FBXO46: variants seen among roughly 807,000 people sequenced by gnomAD.
The protein encoded by FBXO46 is F-box protein 46.
Under a neutral mutation model 30.7 loss-of-function variants are expected in FBXO46, and 13 were observed. That is an observed-to-expected ratio of 0.42 (90% CI 0.28 to 0.67). FBXO46 has a LOEUF of 0.67. Among genes scored for constraint, FBXO46 ranks in the 30% least tolerant of loss-of-function variants. FBXO46 has a pLI of 0.21. For synonymous variants in FBXO46, 467 were observed against 385.8 expected, an observed-to-expected ratio of 1.21 and a Z score of -2.47; for missense variants, 754 against 871.5, an observed-to-expected ratio of 0.87 and a Z score of 1.70.
chr19:45,717,508 G>A (rs1968113892), intron 1 of FBXO46: 1 of 152,364 alleles, frequency 6.6e-6, no homozygotes, highest in African/African-American at 2.4e-5. Flanking sequence ...AAATAGGGAG[G>A]AGTAGGCGAG....
Position 45,712,272 on chromosome 19 carries a change from G to C in FBXO46, c.1224C>G (p.Leu408=). Residue 408 remains leucine (L), a synonymous_variant, in exon 2 of 2, where the codon CTC becomes CTG. Transcript: ENST00000317683. This position sits in a 1 kb window ranked among gnomAD's most constrained non-coding sequence, Gnocchi z 8.8. The part of the protein sequence containing the change: ...SPEEPPPPGQ[L]FFLQNRGPDG... The stretch of plus-strand genomic sequence containing the variant: ...CCGGCCCGCGGTTCTGGAGAAAGAA[G>C]AGCTGGCCCGGAGGCGGCGGTTCCT... The C allele has an allele frequency of 6.2e-7, 1 of 1,604,398 alleles. No homozygotes were observed. The highest frequency in any genetic ancestry group is 8.5e-7 in the Non-Finnish European group (1 of 1,179,490).
chr19:45,717,725 G>C (rs573406197), intron 1 of FBXO46, among the ~76,000 whole-genome samples: 4 of 150,932 alleles, frequency 2.7e-5, no homozygotes, highest in African/African-American at 9.7e-5. Context: ...AGAACACCAA[G>C]GCGGAAGGAA....
chr19:45,719,314 G>A (rs1282203183), intron 1 of FBXO46, among the ~76,000 whole-genome samples: 2 of 151,764 alleles, frequency 1.3e-5, no homozygotes, highest in African/African-American at 4.8e-5. Flanking sequence ...GGATGATGAC[G>A]AAACAAAATG....
chr19:45,730,548 G>A (rs867353043), intron 1 of FBXO46, among the ~76,000 whole-genome samples: 1 of 151,422 alleles, frequency 6.6e-6, no homozygotes, highest in African/African-American at 2.4e-5. Context: ...CATCGAAATC[G>A]ACCCCTTCAG....
Position 45,711,622 on chromosome 19 carries a change from C to A in FBXO46, c.*62G>T. The A allele has an allele frequency of 1.5e-6, 2 of 1,341,230 alleles. No homozygotes were observed. The highest frequency in any genetic ancestry group is 1.4e-5 in the African/African-American group (1 of 69,378). The allele number at this position is 1,341,230 out of a possible 1,614,324, so 83.1% of individuals were successfully genotyped here. ...GGGCAGGCGGCCCAGTCCGGACCCT[C>A]GGCTCCCGGGGGGAGAGGGGAGGGG... On this transcript the variant is annotated 3_prime_UTR_variant, in exon 2 of 2. Transcript: ENST00000317683.
intron 1 of FBXO46, among the ~76,000 whole-genome samples, chr19:45,729,209 C>T (rs952869660): frequency 6.6e-6 from 1 of 152,176 alleles, no homozygotes; most frequent in Non-Finnish European, 1.5e-5. Flanking sequence ...GCGGGTGGAT[C>T]ACCTGAGGCC....
chr19:45,725,903 G>A (rs996733219), intron 1 of FBXO46, among the ~76,000 whole-genome samples: 5 of 151,716 alleles, frequency 3.3e-5, no homozygotes, highest in Admixed American at 2.0e-4. Flanking sequence ...AGATGGTCTC[G>A]CTCTATCACC....
chr19:45,719,745 T>TGACACTGA (rs1240531464), intron 1 of FBXO46, among the ~76,000 whole-genome samples: 2 of 152,154 alleles, frequency 1.3e-5, no homozygotes, highest in Non-Finnish European at 2.9e-5. Flanking sequence ...AACACACAGG[T>TGACACTGA]GACACTGAGC....
chr19:45,716,735 C>G (rs1424580551), intron 1 of FBXO46: 2 of 151,900 alleles, frequency 1.3e-5, no homozygotes, highest in East Asian at 3.9e-4. Context: ...ACAAATGTTA[C>G]AATAGCAGAC....
intron 1 of FBXO46, among the ~76,000 whole-genome samples, chr19:45,722,413 C>T (rs990315240): frequency 1.3e-5 from 2 of 152,092 alleles, no homozygotes; most frequent in African/African-American, 4.8e-5. Context: ...GCAATAATGA[C>T]AGCATCCACC....
chr19:45,727,976 G>A (rs139145830), intron 1 of FBXO46, among the ~76,000 whole-genome samples: 177 of 152,170 alleles, frequency 1.2e-3, no homozygotes, highest in African/African-American at 3.9e-3. Context: ...TCACTCTGTC[G>A]CCCAGGCTGG....
chr19:45,715,231 C>G (rs1282492174), intron 1 of FBXO46: 1 of 152,264 alleles, frequency 6.6e-6, no homozygotes, highest in Admixed American at 6.5e-5. Context: ...TCCCTCCAGA[C>G]AGCTCAAAAC....
rs1411761005 is a variant in FBXO46 at position 45,711,432 on chromosome 19, G to C, written c.*252C>G. ...GTTGGGGCTGAATGGAGAAGAAAGT[G>C]AGATGCTGATAAAAAAAAAAAAAAC... On this transcript the variant is annotated 3_prime_UTR_variant, in exon 2 of 2. Coordinates refer to ENST00000317683, the MANE Select transcript of FBXO46 (RefSeq NM_001080469.2). The C allele has an allele frequency of 9.1e-6, 6 of 657,110 alleles. No homozygotes were observed. The highest frequency in any genetic ancestry group is 8.3e-6 in the Non-Finnish European group (3 of 362,164). 40.7% of individuals were successfully genotyped at this position (657,110 alleles called of 1,614,324 possible). A position where few individuals can be genotyped will look rare whatever the true frequency, so the allele number is the denominator to read the frequency against.
Position 45,725,597 on chromosome 19 carries a change from G to A in FBXO46, c.-79+5252C>T, listed in dbSNP as rs1441039297. Among the ~76,000 whole-genome samples the A allele has an allele frequency of 2.0e-5, 3 of 151,968 alleles. No individual in the cohort carries two copies. The East Asian group carries it at 5.8e-4, about 29-fold the overall frequency. On this transcript the variant is annotated intron_variant, in intron 1 of 1. Transcript: ENST00000317683. ...ATTTTTTTAAAAATTAGCCGGGCAT[G>A]GTGGTGTGCGCCTGCAGTCCCAGCT...
intron 1 of FBXO46, among the ~76,000 whole-genome samples, chr19:45,724,673 G>A (rs1968215084): frequency 1.3e-5 from 2 of 151,950 alleles, no homozygotes; most frequent in Admixed American, 6.6e-5. Context: ...TTTTCTGTTC[G>A]AGACGGAGGC....
intron 1 of FBXO46, among the ~76,000 whole-genome samples, chr19:45,714,053 T>C (rs1445527340): frequency 1.3e-5 from 2 of 150,330 alleles, no homozygotes; most frequent in Non-Finnish European, 3.0e-5. Flanking sequence ...GGATGAGAGA[T>C]GCCCTTTTAA....
chr19:45,713,056 G>T lies in FBXO46; in HGVS notation c.440C>A (p.Pro147Gln). ...AGCAGGGGGGCCCTCCCGGCCCCCT[G>T]GGTCAGGAGGAGCCTTGGTGGGGTC... ...CLDPTKAPPD[P>Q]GGREGPPAAE... Residue 147 changes from proline to glutamine, a missense_variant, in exon 2 of 2, where the codon CCA (proline) becomes CAA (glutamine). Physicochemically the swap from Pro to Gln is moderately conservative, Grantham distance 76 (BLOSUM62 -1). Transcript: ENST00000317683. The surrounding 1 kb of genome is among the most constrained non-coding windows in gnomAD (Gnocchi z 4.7). 6.4e-7 allele frequency: 1 copy of T among 1,571,490 alleles called. No individual in the cohort carries two copies. The highest frequency in any genetic ancestry group is 1.4e-5 in the African/African-American group (1 of 73,674).
At chr19:45,721,323 G>C (rs1269886958) in intron 1 of FBXO46, among the ~76,000 whole-genome samples, 1 of 152,122 alleles carries the variant, frequency 6.6e-6, no homozygotes, top group Non-Finnish European at 1.5e-5. Context: ...CAGCCTGGGT[G>C]CCAAAGCGAG....
chr19:45,728,871 C>G (rs901586790), intron 1 of FBXO46, among the ~76,000 whole-genome samples: 7 of 152,190 alleles, frequency 4.6e-5, no homozygotes, highest in Non-Finnish European at 7.3e-5. Context: ...CGCAGTGGCT[C>G]ACGCCTGTCA....
Sources: allele counts gnomAD v4.1 joint callset (sites outside exome capture counted in the v4.1 genomes callset), GRCh38; gene constraint gnomAD v4.1.1; non-coding constraint Gnocchi (gnomAD v3.1); transcripts MANE v1.5; gene names NCBI Gene and HGNC (gene_info 2026-07-23, HGNC 2026-07-21).